ME1: variants seen among roughly 807,000 people sequenced by gnomAD.
ME1 encodes malic enzyme 1.
Under a neutral mutation model 66.4 loss-of-function variants are expected in ME1, and 74 were observed. That is an observed-to-expected ratio of 1.11 (90% CI 0.92 to 1.35). The LOEUF (loss-of-function observed/expected upper bound fraction) is 1.35, where lower values mean the gene tolerates loss of function less well. Among genes scored for constraint, ME1 ranks in the 40% most tolerant of loss-of-function variants. ME1 has a pLI of 0.00. For missense variants in ME1, 750 were observed against 694.1 expected (o/e 1.08, Z -0.90); for synonymous variants, 251 against 235.6 (o/e 1.07, Z -0.60).
chr6:83,248,464 A>C (rs962440174), intron 7 of ME1, among the ~76,000 whole-genome samples: 2 of 152,152 alleles, frequency 1.3e-5, no homozygotes, highest in Non-Finnish European at 2.9e-5. Context: ...TATACATGGT[A>C]TCTTCAAGTT....
At chr6:83,400,815 C>T (rs182449155) in intron 2 of ME1, among the ~76,000 whole-genome samples, 13 of 152,234 alleles carry the variant, frequency 8.5e-5, no homozygotes, top group Admixed American at 5.9e-4. Flanking sequence ...CCTAATCAAC[C>T]GCCCATTACC....
intron 7 of ME1, among the ~76,000 whole-genome samples, chr6:83,253,242 C>G (rs1372478311): frequency 1.3e-5 from 2 of 152,088 alleles, no homozygotes; most frequent in Non-Finnish European, 2.9e-5. Context: ...ATGCAGCATA[C>G]TACATAAAGG....
chr6:83,226,094 C>T (rs989483427), intron 11 of ME1, among the ~76,000 whole-genome samples: 1 of 152,070 alleles, frequency 6.6e-6, no homozygotes, highest in African/African-American at 2.4e-5. Flanking sequence ...CATCCAGCAA[C>T]AGGCAGACCT....
intron 5 of ME1, among the ~76,000 whole-genome samples, chr6:83,344,663 C>A (rs1468709927): frequency 6.6e-6 from 1 of 152,046 alleles, no homozygotes; most frequent in East Asian, 1.9e-4. Context: ...GTGGACAGAT[C>A]ACAAGGTCAG....
intron 2 of ME1, among the ~76,000 whole-genome samples, chr6:83,400,338 T>C (rs1769816455): frequency 6.6e-6 from 1 of 152,158 alleles, no homozygotes; most frequent in Non-Finnish European, 1.5e-5. Flanking sequence ...TCCACCATGA[T>C]TGTAAGCTTC....
chr6:83,332,245 C>A (rs910030694), intron 5 of ME1, among the ~76,000 whole-genome samples: 12 of 150,752 alleles, frequency 8.0e-5, no homozygotes, highest in Non-Finnish European at 1.6e-4. Flanking sequence ...ATTTTAAAGT[C>A]AAAAAAAACA....
chr6:83,228,797 G>T, intron 10 of ME1, 29 bp downstream of exon 10: 1 of 1,405,156 alleles, frequency 7.1e-7, no homozygotes, highest in South Asian at 1.2e-5. Flanking sequence ...ATAAGGGGTA[G>T]GGGAGAAGGG....
intron 9 of ME1, among the ~76,000 whole-genome samples, chr6:83,234,106 T>C (rs1001108913): frequency 6.6e-6 from 1 of 152,210 alleles, no homozygotes; most frequent in Non-Finnish European, 1.5e-5. Flanking sequence ...ATTATATCCA[T>C]GGACTCTGGA....
At chr6:83,243,556 T>C (rs1583336504) in intron 7 of ME1, among the ~76,000 whole-genome samples, 1 of 75,150 alleles carries the variant, frequency 1.3e-5, no homozygotes, top group East Asian at 3.2e-4. Flanking sequence ...TTATATTATA[T>C]CGATATAATC....
rs561944691 is a variant in ME1, at chr6:83,239,259, G to A, written c.912+280C>T. On this transcript the variant is annotated intron_variant, in intron 8 of 13. Coordinates refer to ENST00000369705, the MANE Select transcript of ME1 (RefSeq NM_002395.6). ...TGCATATATACACATACATTGGAAA[G>A]TTTTCCTGTATGGCACCTTAGATAT... 3.3e-5 allele frequency among the ~76,000 whole-genome samples: 5 copies of A among 152,050 alleles called. No homozygotes were observed. The South Asian group carries it at 1.0e-3, about 32-fold the overall frequency.
At chr6:83,293,967 G>A (rs1352998576) in intron 6 of ME1, among the ~76,000 whole-genome samples, 1 of 152,144 alleles carries the variant, frequency 6.6e-6, no homozygotes, top group East Asian at 1.9e-4. Flanking sequence ...TCTAGGCAGA[G>A]ACTACAGTTA....
At chr6:83,219,813 C>A (rs1048753009) in intron 12 of ME1, among the ~76,000 whole-genome samples, 1 of 150,374 alleles carries the variant, frequency 6.7e-6, no homozygotes, top group Non-Finnish European at 1.5e-5. Context: ...GTCTCAAACT[C>A]CTGAGCTCAA....
At chr6:83,348,361 A>T (rs77325335) in intron 4 of ME1, among the ~76,000 whole-genome samples, 89 of 152,320 alleles carry the variant, frequency 5.8e-4, no homozygotes, top group Middle Eastern at 3.4e-3. Flanking sequence ...GTATTTTTAC[A>T]TATCGTTGAT....
rs556150672 is a variant in ME1 at position 83,254,025 on chromosome 6, A to T, written c.705-287T>A. Among the ~76,000 whole-genome samples, 8 of 152,282 alleles carry T rather than the reference A, an allele frequency of 5.3e-5. No individual in the cohort carries two copies. The East Asian group carries it at 1.5e-3, about 29-fold the overall frequency. On this transcript the variant is annotated intron_variant, in intron 6 of 13. Coordinates refer to ENST00000369705, the MANE Select transcript of ME1 (RefSeq NM_002395.6). ...GGAAACAAAAATTTTTGAAGTAAATAAGAAGTAATATAAAAGTGGTATAAA... is the reference window on the plus strand; with the variant it reads ...GGAAACAAAAATTTTTGAAGTAAATTAGAAGTAATATAAAAGTGGTATAAA...
chr6:83,385,239 C>G (rs1455398810), intron 3 of ME1, among the ~76,000 whole-genome samples: 1 of 151,862 alleles, frequency 6.6e-6, no homozygotes, highest in Non-Finnish European at 1.5e-5. Flanking sequence ...GATATAAGAA[C>G]TATGCCTCCT....
At chr6:83,311,040 C>A (rs1767921115) in intron 6 of ME1, among the ~76,000 whole-genome samples, 1 of 152,156 alleles carries the variant, frequency 6.6e-6, no homozygotes, top group Non-Finnish European at 1.5e-5. Context: ...TCGCATCTCA[C>A]AAAGTGGCCT....
chr6:83,311,264 C>A (rs577893695), intron 6 of ME1, among the ~76,000 whole-genome samples: 7 of 152,168 alleles, frequency 4.6e-5, no homozygotes, highest in South Asian at 2.1e-4. Context: ...TTTGTATTAG[C>A]CAGGAGAATA....
chr6:83,430,945 C>G lies in ME1; in HGVS notation c.10G>C (p.Glu4Gln), dbSNP rs200892092. MEP[E>Q]APRRRHTHQR... Reference sequence around the variant, plus strand: ...TGGGTGTGGCGGCGACGGGGGGCTTCGGGCTCCATGGCTGGCGCCGGGTTC... The same window carrying G: ...TGGGTGTGGCGGCGACGGGGGGCTTGGGGCTCCATGGCTGGCGCCGGGTTC... Residue 4 changes from glutamate to glutamine, a missense_variant, in exon 1 of 14, where the codon GAA becomes CAA. Physicochemically the swap from Glu to Gln is conservative, Grantham distance 29. Coordinates refer to ENST00000369705, the MANE Select transcript of ME1 (RefSeq NM_002395.6). 242 of 1,581,162 alleles carry G rather than the reference C, an allele frequency of 1.5e-4. 1 individual carries two copies. The highest frequency in any genetic ancestry group is 1.9e-4 in the Non-Finnish European group (225 of 1,165,632).
chr6:83,312,246 A>C (rs1021553739), intron 6 of ME1, among the ~76,000 whole-genome samples: 11 of 152,184 alleles, frequency 7.2e-5, no homozygotes, highest in Non-Finnish European at 1.5e-4. Context: ...TGAAGCATCA[A>C]AACACTGTTC....
Sources: gnomAD v4.1 joint callset for allele counts (sites outside exome capture counted in the v4.1 genomes callset) on GRCh38, gnomAD v4.1.1 for gene constraint, MANE v1.5 for transcripts, NCBI Gene and HGNC (gene_info 2026-07-23, HGNC 2026-07-21) for gene names.